Variants in MIA2 observed in about 807,000 individuals in gnomAD.
MIA2 encodes the protein MIA SH3 domain ER export factor 2.
MIA2 carries 127 observed loss-of-function variants against 167.8 expected under a neutral mutation model. That is an observed-to-expected ratio of 0.76 (90% CI 0.66 to 0.88). MIA2 has a LOEUF of 0.88. Ranked by LOEUF, MIA2 falls within the 40% of genes least tolerant of loss-of-function variation. MIA2 has a pLI of 0.00. For missense variants in MIA2, 1,690 were observed against 1,624.7 expected (o/e 1.04, Z -0.69); for synonymous variants, 552 against 541.9 (o/e 1.02, Z -0.26).
intron 1 of MIA2, 85 bp from the exon 2 acceptor site, chr14:39,236,837 G>A (rs1044022841): frequency 7.9e-7 from 1 of 1,272,634 alleles, no homozygotes; most frequent in East Asian, 2.4e-5. Flanking sequence ...AAACATATAG[G>A]ATGGATTGAG....
intron 13 of MIA2, among the ~76,000 whole-genome samples, chr14:39,299,399 C>T (rs1219515552): frequency 6.8e-6 from 1 of 146,596 alleles, no homozygotes; most frequent in African/African-American, 2.5e-5. Flanking sequence ...CCTCTGCCTC[C>T]TGGGTTCAAG....
At chr14:39,341,980 G>C (rs1312407590) in intron 25 of MIA2, among the ~76,000 whole-genome samples, 1 of 151,968 alleles carries the variant, frequency 6.6e-6, no homozygotes. Flanking sequence ...ACCACAGAAA[G>C]GTTGGGTAAC....
intron 27 of MIA2, among the ~76,000 whole-genome samples, chr14:39,348,386 A>G (rs1267701504): frequency 6.6e-6 from 1 of 152,122 alleles, no homozygotes; most frequent in Non-Finnish European, 1.5e-5. Context: ...GTTTATTAAG[A>G]TATTGATTTT....
intron 15 of MIA2, 91 bp downstream of exon 15, chr14:39,302,340 T>G: frequency 7.0e-7 from 1 of 1,429,750 alleles, no homozygotes; most frequent in Middle Eastern, 1.8e-4. Flanking sequence ...GTTCTTTATA[T>G]GCTTTTACTT....
intron 23 of MIA2, among the ~76,000 whole-genome samples, chr14:39,359,640 C>G (rs934085803): frequency 1.3e-5 from 2 of 152,182 alleles, no homozygotes; most frequent in Non-Finnish European, 2.9e-5. Context: ...TCTTCTGCGT[C>G]GCTCACACTG....
At chr14:39,381,128 T>A (rs2075153289) in intron 23 of MIA2, among the ~76,000 whole-genome samples, 1 of 152,116 alleles carries the variant, frequency 6.6e-6, no homozygotes, top group South Asian at 2.1e-4. Flanking sequence ...ACAGAGCTTC[T>A]CCCTAAAAAG....
intron 25 of MIA2, among the ~76,000 whole-genome samples, chr14:39,334,781 T>C (rs2069920882): frequency 6.6e-6 from 1 of 152,112 alleles, no homozygotes; most frequent in African/African-American, 2.4e-5. Flanking sequence ...TTGGCCAGGC[T>C]TGTCTCGAAC....
chr14:39,317,098 A>G (rs1053837771), intron 21 of MIA2, among the ~76,000 whole-genome samples: 10 of 152,218 alleles, frequency 6.6e-5, no homozygotes, highest in Non-Finnish European at 1.2e-4. Context: ...CGGGACAGCC[A>G]GATGACACCT....
chr14:39,284,620 GCTC>G (rs1205024069), intron 9 of MIA2, among the ~76,000 whole-genome samples: 1 of 151,976 alleles, frequency 6.6e-6, no homozygotes, highest in East Asian at 1.9e-4. Context: ...TTCTTTGTGT[GCTC>G]CTCAATTTCT....
At chr14:39,236,167 G>T (rs1055755704) in intron 1 of MIA2, among the ~76,000 whole-genome samples, 1 of 152,104 alleles carries the variant, frequency 6.6e-6, no homozygotes, top group African/African-American at 2.4e-5. Context: ...AGGATGACAA[G>T]ACAGGTTAAA....
chr14:39,283,050 T>C (rs2059167399), intron 9 of MIA2, among the ~76,000 whole-genome samples: 1 of 152,230 alleles, frequency 6.6e-6, no homozygotes, highest in African/African-American at 2.4e-5. Context: ...GGTCCGTCCA[T>C]GTTGTAGCAA....
intron 16 of MIA2, 45 bp downstream of exon 16, chr14:39,303,569 G>C: frequency 7.2e-7 from 1 of 1,384,066 alleles, no homozygotes; most frequent in East Asian, 2.3e-5. Context: ...GGAAGAAAGA[G>C]AACGTGGATT....
chr14:39,371,489 C>T (rs1432682949), intron 23 of MIA2, among the ~76,000 whole-genome samples: 2 of 152,172 alleles, frequency 1.3e-5, no homozygotes, highest in East Asian at 1.9e-4. Context: ...CAGGGTTCAT[C>T]GTGTGTCTAT....
At chr14:39,277,459 G>A (rs1451543890) in intron 7 of MIA2, among the ~76,000 whole-genome samples, 1 of 151,478 alleles carries the variant, frequency 6.6e-6, no homozygotes. Flanking sequence ...CTGGGAAGTC[G>A]ATGCTGCAGT....
At position 39,252,810 on chromosome 14, in the gene MIA2, T is replaced by A; in HGVS notation, c.1630T>A (p.Ser544Thr). 1 of 1,613,956 alleles carries A rather than the reference T, an allele frequency of 6.2e-7. No homozygotes were observed. The highest frequency in any genetic ancestry group is 8.5e-7 in the Non-Finnish European group (1 of 1,179,890). The change falls in exon 5 of 29, where the codon TCT becomes ACT. Residue 544 changes from serine (S) to threonine (T), a missense_variant. Transcript: ENST00000640607. The stretch of plus-strand genomic sequence containing the variant: ...CGAAGAAGTATATTTTGAACCCTCA[T>A]CTTCTAAAGATAGTGATGAAAATTC... ...IHEEVYFEPS[S>T]SKDSDENSKP...
intron 23 of MIA2, among the ~76,000 whole-genome samples, chr14:39,376,848 T>C (rs1288223794): frequency 1.3e-5 from 2 of 152,210 alleles, no homozygotes; most frequent in South Asian, 4.1e-4. Context: ...AATTATGTAT[T>C]CGTCTTATGC....
At chr14:39,307,017 C>G (rs934832604) in intron 17 of MIA2, among the ~76,000 whole-genome samples, 1 of 152,004 alleles carries the variant, frequency 6.6e-6, no homozygotes, top group Non-Finnish European at 1.5e-5. Context: ...GTTGAAACAA[C>G]GCTTAAAGTT....
intron 23 of MIA2, among the ~76,000 whole-genome samples, chr14:39,356,839 A>G (rs1277091397): frequency 6.6e-6 from 1 of 152,194 alleles, no homozygotes; most frequent in Admixed American, 6.5e-5. Context: ...GAGGTTGTTC[A>G]GTTTCCATGT....
chr14:39,385,324 T>TAAA, intron 23 of MIA2: 9 of 657,394 alleles, frequency 1.4e-5, no homozygotes, highest in South Asian at 3.7e-5. Flanking sequence ...AAATCCTCTT[T>TAAA]AAAAAAAAAA....
Sources: gnomAD v4.1 joint callset for allele counts (sites outside exome capture counted in the v4.1 genomes callset) on GRCh38, gnomAD v4.1.1 for gene constraint, MANE v1.5 for transcripts, NCBI Gene and HGNC (gene_info 2026-07-23, HGNC 2026-07-21) for gene names.